EVL: variants seen among roughly 807,000 people sequenced by gnomAD.
The protein encoded by EVL is ena/VASP-like protein.
A neutral mutation model predicts 59.6 loss-of-function variants in EVL; 21 were observed. That is an observed-to-expected ratio of 0.35 (90% confidence interval 0.25 to 0.51). EVL has a LOEUF of 0.51. EVL is among the 20% of genes least tolerant of loss of function. EVL has a pLI of 0.97. For missense variants in EVL, 462 were observed against 546.6 expected (o/e 0.85, Z 1.54); for synonymous variants, 198 against 203.5 (o/e 0.97, Z 0.23).
At chr14:100,061,399 GTC>G (rs2061826703), upstream of EVL, among the ~76,000 whole-genome samples, 1 of 40,836 alleles carries the variant, frequency 2.4e-5, no homozygotes, top group African/African-American at 1.2e-4. Flanking sequence ...GCAAGACCCT[GTC>G]TCAAAAAAAA....
At chr14:100,016,920 C>T (rs1269544136) in intron 1 of EVL, among the ~76,000 whole-genome samples, 1 of 152,148 alleles carries the variant, frequency 6.6e-6, no homozygotes, top group Non-Finnish European at 1.5e-5. Context: ...ATAAAATAGC[C>T]CAAAAGGGTC....
intron 1 of EVL, among the ~76,000 whole-genome samples, chr14:99,997,299 A>G (rs2060920073): frequency 6.6e-6 from 1 of 152,246 alleles, no homozygotes. Context: ...GAAGGGAAGA[A>G]TGATGTAGGT....
intron 3 of EVL, among the ~76,000 whole-genome samples, chr14:100,105,039 C>T (rs2140333570): frequency 6.6e-6 from 1 of 151,860 alleles, no homozygotes; most frequent in South Asian, 2.1e-4. Flanking sequence ...GCCGGTCATG[C>T]CAACATCCAG....
At chr14:100,105,260 C>T (rs548047587) in intron 3 of EVL, among the ~76,000 whole-genome samples, 174 of 152,246 alleles carry the variant, frequency 1.1e-3, no homozygotes, top group African/African-American at 3.8e-3. Context: ...AGTACAGAGG[C>T]GACACACCAC....
intron 1 of EVL, among the ~76,000 whole-genome samples, chr14:100,016,436 C>T (rs2061051031): frequency 6.6e-6 from 1 of 152,074 alleles, no homozygotes; most frequent in Admixed American, 6.5e-5. Context: ...GGCTGAAGCA[C>T]GAGAATCACT....
chr14:100,002,864 T>G (rs960964370), intron 1 of EVL, among the ~76,000 whole-genome samples: 7 of 152,216 alleles, frequency 4.6e-5, no homozygotes, highest in Non-Finnish European at 1.0e-4. Context: ...TTCCAAACAA[T>G]AAGCCCAATA....
At chr14:100,046,385 G>A (rs1011534961) in intron 1 of EVL, among the ~76,000 whole-genome samples, 3 of 152,288 alleles carry the variant, frequency 2.0e-5, no homozygotes, top group African/African-American at 7.2e-5. Context: ...TTGACAAATA[G>A]ACCAGGTGAG....
intron 1 of EVL, among the ~76,000 whole-genome samples, chr14:100,011,572 A>G (rs1267199204): frequency 6.6e-6 from 1 of 152,254 alleles, no homozygotes; most frequent in East Asian, 1.9e-4. Flanking sequence ...AGACTTCGAC[A>G]TAATGAGTAC....
At chr14:100,025,550 C>G (rs1394771049) in intron 1 of EVL, among the ~76,000 whole-genome samples, 1 of 152,226 alleles carries the variant, frequency 6.6e-6, no homozygotes, top group Non-Finnish European at 1.5e-5. Flanking sequence ...ATATCACCAT[C>G]TATATACTGT....
intron 3 of EVL, among the ~76,000 whole-genome samples, chr14:100,111,711 C>G (rs1292115520): frequency 6.6e-6 from 1 of 152,178 alleles, no homozygotes; most frequent in Non-Finnish European, 1.5e-5. Flanking sequence ...CCTGGATGCT[C>G]TTGTGCCTGG....
intron 1 of EVL, among the ~76,000 whole-genome samples, chr14:100,006,370 C>T (rs1018699968): frequency 6.6e-6 from 1 of 151,248 alleles, no homozygotes; most frequent in Non-Finnish European, 1.5e-5. Context: ...CTGCAACCTC[C>T]GCCTCCCGTG....
intron 3 of EVL, among the ~76,000 whole-genome samples, chr14:100,103,331 C>T (rs529872841): frequency 3.3e-5 from 5 of 152,076 alleles, no homozygotes; most frequent in Non-Finnish European, 5.9e-5. Flanking sequence ...GAAAAGTCAG[C>T]GTCCTGTAGG....
At chr14:100,066,053 C>T (rs567756150) in intron 1 of EVL, among the ~76,000 whole-genome samples, 5 of 152,310 alleles carry the variant, frequency 3.3e-5, no homozygotes, top group African/African-American at 4.8e-5. Flanking sequence ...CTACAAACCG[C>T]ACTCCTCATT....
chr14:99,992,393 T>A (rs1441051377), intron 1 of EVL, among the ~76,000 whole-genome samples: 1 of 152,208 alleles, frequency 6.6e-6, no homozygotes, highest in Non-Finnish European at 1.5e-5. Flanking sequence ...TTTCCCACTT[T>A]GTAGGTTGTC....
intron 1 of EVL, among the ~76,000 whole-genome samples, chr14:100,006,017 C>G (rs1191002): frequency 1.0e-3 from 152 of 149,644 alleles, no homozygotes; most frequent in African/African-American, 3.1e-3. Context: ...TTTCCCCCCC[C>G]CCCCCCACAC....
intron 1 of EVL, among the ~76,000 whole-genome samples, chr14:100,011,255 A>G (rs2061015272): frequency 6.6e-6 from 1 of 152,230 alleles, no homozygotes; most frequent in Admixed American, 6.5e-5. Context: ...ATTTGTTTGG[A>G]AAGTCCACTG....
At chr14:99,999,060 TATA>T (rs1412112441) in intron 1 of EVL, among the ~76,000 whole-genome samples, 3 of 150,132 alleles carry the variant, frequency 2.0e-5, no homozygotes, top group Non-Finnish European at 3.0e-5. Context: ...TTTATAAATT[TATA>T]ATAATTTTCT....
intron 1 of EVL, among the ~76,000 whole-genome samples, chr14:100,000,855 G>T (rs1278095109): frequency 6.6e-6 from 1 of 152,042 alleles, no homozygotes; most frequent in African/African-American, 2.4e-5. Context: ...CTTGGAGAAA[G>T]CATTTTTGGA....
At position 100,127,422 on chromosome 14, in the gene EVL, C is replaced by T. The variant is rs1295835894; in HGVS notation, c.487+651C>T. On this transcript the variant is annotated intron_variant, in intron 5 of 13. Coordinates refer to ENST00000392920, the MANE Select transcript of EVL (RefSeq NM_016337.3). The surrounding 1 kb of genome is among the most constrained non-coding windows in gnomAD (Gnocchi z 4.2). ...ATTATCCTGTTGACTGATGAGAAAC[C>T]CGAGCCCCCACTGGTTACAGGAACG... Among the ~76,000 whole-genome samples the T allele has an allele frequency of 1.3e-5, 2 of 152,148 alleles. No homozygotes were observed. Among genetic ancestry groups the T allele is most frequent in the African/African-American group, 4.8e-5 (2 of 41,424 alleles).
Sources: allele counts gnomAD v4.1 joint callset (sites outside exome capture counted in the v4.1 genomes callset), GRCh38; gene constraint gnomAD v4.1.1; non-coding constraint Gnocchi (gnomAD v3.1); transcripts MANE v1.5; gene names NCBI Gene and HGNC (gene_info 2026-07-23, HGNC 2026-07-21).